The following KCNIP4 variants were observed in gnomAD, a reference collection of about 807,000 sequenced individuals.
KCNIP4 encodes Kv channel-interacting protein 4.
A neutral mutation model predicts 34.0 loss-of-function variants in KCNIP4; 12 were observed. That is an observed-to-expected ratio of 0.35 (90% CI 0.23 to 0.57). The LOEUF is 0.57. Among genes scored for constraint, KCNIP4 ranks in the 20% least tolerant of loss-of-function variants. The pLI, the probability that KCNIP4 is intolerant of heterozygous loss-of-function variation, is 0.83. For missense variants in KCNIP4, 238 were observed against 311.7 expected (o/e 0.76, Z 1.78); for synonymous variants, 124 against 102.2 (o/e 1.21, Z -1.29).
chr4:21,946,980 G>A (rs1730544854), intron 1 of KCNIP4, among the ~76,000 whole-genome samples: 1 of 152,106 alleles, frequency 6.6e-6, no homozygotes, highest in Admixed American at 6.5e-5. Flanking sequence ...ATCCCCATCC[G>A]GTTGATGGAA....
At chr4:21,333,931 T>C (rs961574079) in intron 1 of KCNIP4, among the ~76,000 whole-genome samples, 1 of 152,154 alleles carries the variant, frequency 6.6e-6, no homozygotes, top group Non-Finnish European at 1.5e-5. Context: ...TACTCTATCA[T>C]AGCACTTTAG....
intron 8 of KCNIP4, among the ~76,000 whole-genome samples, chr4:20,730,558 A>AGAT (rs1213251957): frequency 1.3e-5 from 2 of 152,014 alleles, no homozygotes; most frequent in Non-Finnish European, 2.9e-5. Flanking sequence ...CAGTTCATGA[A>AGAT]GATTGGAGGC....
intron 1 of KCNIP4, among the ~76,000 whole-genome samples, chr4:21,017,460 TGTTA>T (rs1739647907): frequency 6.6e-6 from 1 of 152,224 alleles, no homozygotes; most frequent in African/African-American, 2.4e-5. Context: ...TCTGTTCCTC[TGTTA>T]GTTTGCTGCG....
At chr4:20,975,871 T>C (rs560519819) in intron 1 of KCNIP4, among the ~76,000 whole-genome samples, 56 of 152,302 alleles carry the variant, frequency 3.7e-4, no homozygotes, top group South Asian at 4.1e-4. Flanking sequence ...TAAATAAATA[T>C]ATTGTGACAT....
Position 21,628,164 on chromosome 4 carries a change from T to C in KCNIP4, c.61+320407A>G, listed in dbSNP as rs1039550. On this transcript the variant is annotated intron_variant, in intron 1 of 8. Coordinates refer to ENST00000382152, the MANE Select transcript of KCNIP4 (RefSeq NM_025221.6). ...AATTCATGGTTCTTTTGTGCTTTTT[T>C]AGAAAAAGATATTTCCCCAATGGAT... Among the ~76,000 whole-genome samples, 1,342 of 152,300 alleles carry C rather than the reference T, an allele frequency of 8.8e-3. 20 individuals are homozygous for C. Among genetic ancestry groups the C allele is most frequent in the African/African-American group, 0.03 (1,257 of 41,566 alleles).
intron 1 of KCNIP4, among the ~76,000 whole-genome samples, chr4:21,314,844 C>T (rs1398756741): frequency 6.6e-6 from 1 of 152,104 alleles, no homozygotes; most frequent in Non-Finnish European, 1.5e-5. Context: ...ATAAAGAGTA[C>T]CATATTTGGG....
rs149500330 is a variant in KCNIP4 at position 21,911,604 on chromosome 4, TCACACACACACACACACACACACACACA to T, written c.61+36939_61+36966del. On this transcript the variant is annotated intron_variant, in intron 1 of 8. Transcript: ENST00000382152. ...TCTGAAAGGCAGAAAGAATTGATAT[TCACACACACACACACACACACACACACA>T]CACACACACACACACACACACACAG... Among the ~76,000 whole-genome samples the T allele has an allele frequency of 3.8e-3, 498 of 129,990 alleles. 1 individual carries two copies. Among genetic ancestry groups the T allele is most frequent in the Non-Finnish European group, 6.5e-3 (414 of 63,548 alleles). The allele number at this position is 129,990 out of a possible 152,430, so 85.3% of individuals were successfully genotyped here.
intron 1 of KCNIP4, among the ~76,000 whole-genome samples, chr4:21,087,150 G>GTA (rs1287496222): frequency 4.0e-5 from 5 of 126,426 alleles, no homozygotes; most frequent in African/African-American, 1.7e-4. Flanking sequence ...TGGGTAATGT[G>GTA]TGTGTGTGTG....
At chr4:21,107,855 A>G (rs901522239) in intron 1 of KCNIP4, among the ~76,000 whole-genome samples, 7 of 151,156 alleles carry the variant, frequency 4.6e-5, no homozygotes, top group Admixed American at 4.6e-4. Flanking sequence ...TCCTTCACTT[A>G]TGAAGCTTAG....
intron 1 of KCNIP4, among the ~76,000 whole-genome samples, chr4:21,629,035 C>T (rs573939600): frequency 6.6e-6 from 1 of 152,280 alleles, no homozygotes; most frequent in East Asian, 1.9e-4. Flanking sequence ...ATTTTCTCCA[C>T]ACCCCTCCAA....
intron 1 of KCNIP4, among the ~76,000 whole-genome samples, chr4:21,233,606 T>C (rs1758957839): frequency 6.6e-6 from 1 of 151,614 alleles, no homozygotes; most frequent in East Asian, 1.9e-4. Context: ...GGTAGAAAGA[T>C]AAGGCTTGAA....
chr4:21,903,564 G>C (rs1338624245), intron 1 of KCNIP4, among the ~76,000 whole-genome samples: 1 of 152,106 alleles, frequency 6.6e-6, no homozygotes, highest in Non-Finnish European at 1.5e-5. Flanking sequence ...GTTTCAAATA[G>C]TGGCGTGAAA....
intron 1 of KCNIP4, among the ~76,000 whole-genome samples, chr4:21,707,001 A>G (rs1415425758): frequency 6.6e-6 from 1 of 152,146 alleles, no homozygotes; most frequent in Non-Finnish European, 1.5e-5. Context: ...TACTTCACTG[A>G]GTAAAGAGCC....
chr4:21,142,173 A>C (rs1044227314), intron 1 of KCNIP4, among the ~76,000 whole-genome samples: 1 of 150,552 alleles, frequency 6.6e-6, no homozygotes. Context: ...AAAAAAACCC[A>C]AAAAACAAAC....
intron 1 of KCNIP4, among the ~76,000 whole-genome samples, chr4:21,188,748 A>G (rs1755424125): frequency 6.6e-6 from 1 of 152,230 alleles, no homozygotes; most frequent in South Asian, 2.1e-4. Flanking sequence ...AGGAAACTTC[A>G]TAGCATTAAC....
At chr4:21,630,373 C>T (rs1419325208) in intron 1 of KCNIP4, among the ~76,000 whole-genome samples, 3 of 151,704 alleles carry the variant, frequency 2.0e-5, no homozygotes, top group East Asian at 4.0e-4. Context: ...GCAGAAGAAT[C>T]GCTTGGACCT....
chr4:21,711,943 T>A (rs1013387156), intron 1 of KCNIP4, among the ~76,000 whole-genome samples: 1 of 152,172 alleles, frequency 6.6e-6, no homozygotes, highest in Admixed American at 6.6e-5. Context: ...GTTAAGTAAC[T>A]GGCCTATACT....
chr4:21,027,312 G>C (rs1055841215), intron 1 of KCNIP4, among the ~76,000 whole-genome samples: 3 of 152,136 alleles, frequency 2.0e-5, no homozygotes, highest in Non-Finnish European at 4.4e-5. Flanking sequence ...AGAGTAGAGT[G>C]GTTGGAACAG....
rs569390012 is a variant in KCNIP4 at position 21,686,787 on chromosome 4, G to A, written c.61+261784C>T. On this transcript the variant is annotated intron_variant, in intron 1 of 8. Transcript: ENST00000382152. ...AGTAGCCAAGATCAGAAGTGATTAG[G>A]TCAAATGGTATTTCTAGTATCCCAT... Among the ~76,000 whole-genome samples the A allele has an allele frequency of 8.5e-5, 13 of 152,202 alleles. No individual in the cohort carries two copies. The South Asian group carries it at 2.7e-3, about 32-fold the overall frequency.
Sources: allele counts gnomAD v4.1 joint callset (sites outside exome capture counted in the v4.1 genomes callset), GRCh38; gene constraint gnomAD v4.1.1; transcripts MANE v1.5; gene names NCBI Gene and HGNC (gene_info 2026-07-23, HGNC 2026-07-21).